Variants in NAALADL2 observed in about 807,000 individuals in gnomAD.
NAALADL2 encodes N-acetylated alpha-linked acidic dipeptidase like 2, also known as inactive N-acetylated-alpha-linked acidic dipeptidase-like protein 2.
Under a neutral mutation model 87.2 loss-of-function variants are expected in NAALADL2, and 76 were observed. That is an observed-to-expected ratio of 0.87 (90% CI 0.72 to 1.05). NAALADL2 has a LOEUF of 1.05. Among genes scored for constraint, NAALADL2 ranks in the 50% least tolerant of loss-of-function variants. The pLI is 0.00. For missense variants in NAALADL2, 1,089 were observed against 945.8 expected, an observed-to-expected ratio of 1.15 and a Z score of -1.99; for synonymous variants, 354 against 331.0, an observed-to-expected ratio of 1.07 and a Z score of -0.75.
chr3:174,944,817 C>T (rs538223572), intron 1 of NAALADL2, among the ~76,000 whole-genome samples: 271 of 152,232 alleles, frequency 1.8e-3, no homozygotes, highest in African/African-American at 6.1e-3. Context: ...TCCCAGGGGT[C>T]ACACATTCTG....
chr3:174,567,130 A>C (rs555773971), intron 2 of NAALADL2, among the ~76,000 whole-genome samples: 2 of 151,768 alleles, frequency 1.3e-5, no homozygotes, highest in South Asian at 4.1e-4. Flanking sequence ...GACACAATTC[A>C]ATATTTTAGC....
chr3:175,618,759 T>G lies in NAALADL2; in HGVS notation c.1801-8532T>G, dbSNP rs566928881. On this transcript the variant is annotated intron_variant, in intron 10 of 13. Transcript: ENST00000454872. ...CCCTTGCAAGTGCTGCCCAGGAATGTGAGTGCGAATTCCACCCATGAAGAG... is the reference window on the plus strand; with the variant it reads ...CCCTTGCAAGTGCTGCCCAGGAATGGGAGTGCGAATTCCACCCATGAAGAG... Among the ~76,000 whole-genome samples, 9 of 152,256 alleles carry G rather than the reference T, an allele frequency of 5.9e-5. No individual in the cohort carries two copies. In the East Asian group the frequency reaches 1.6e-3, roughly 26 times the overall value.
chr3:175,415,535 G>A (rs9862970), intron 5 of NAALADL2, among the ~76,000 whole-genome samples: 123,710 of 152,026 alleles, frequency 0.81, 50,496 homozygotes, highest in East Asian at 0.87. Context: ...AATAAATAAC[G>A]CAATGAGAAA....
At chr3:175,289,355 T>C (rs1477539981) in intron 4 of NAALADL2, among the ~76,000 whole-genome samples, 1 of 152,068 alleles carries the variant, frequency 6.6e-6, no homozygotes, top group African/African-American at 2.4e-5. Flanking sequence ...AGTACTAGTA[T>C]AAGTACAATA....
intron 1 of NAALADL2, among the ~76,000 whole-genome samples, chr3:174,953,314 C>A (rs1204942428): frequency 1.9e-5 from 1 of 51,328 alleles, no homozygotes; most frequent in Non-Finnish European, 3.3e-5. Context: ...CCCTCCCCTC[C>A]CCTCCCCTCC....
intron 1 of NAALADL2, among the ~76,000 whole-genome samples, chr3:174,491,133 T>C (rs1026680377): frequency 6.6e-6 from 1 of 152,082 alleles, no homozygotes; most frequent in African/African-American, 2.4e-5. Context: ...CAATTTGGGG[T>C]GAACACTATG....
chr3:175,710,290 C>A (rs541370484), intron 11 of NAALADL2, among the ~76,000 whole-genome samples: 6 of 151,998 alleles, frequency 3.9e-5, no homozygotes, highest in Non-Finnish European at 8.8e-5. Flanking sequence ...AGATGTCAGA[C>A]AGTTGAGACA....
chr3:175,135,382 C>T (rs1278172782), intron 2 of NAALADL2, among the ~76,000 whole-genome samples: 1 of 151,916 alleles, frequency 6.6e-6, no homozygotes, highest in East Asian at 1.9e-4. Context: ...CTTGTATTTC[C>T]TTTGTTAATA....
chr3:175,010,096 T>A (rs1418951406), intron 1 of NAALADL2, among the ~76,000 whole-genome samples: 2 of 152,020 alleles, frequency 1.3e-5, no homozygotes, highest in East Asian at 3.9e-4. Flanking sequence ...GTGGGGTGGA[T>A]CTTGATTAAC....
At chr3:175,648,394 A>C (rs987571053) in intron 11 of NAALADL2, among the ~76,000 whole-genome samples, 5 of 151,814 alleles carry the variant, frequency 3.3e-5, no homozygotes, top group Non-Finnish European at 5.9e-5. Flanking sequence ...ACTGGATATA[A>C]TTCATATTTA....
intron 2 of NAALADL2, among the ~76,000 whole-genome samples, chr3:175,166,144 TATC>T (rs1174868518): frequency 6.6e-6 from 1 of 152,118 alleles, no homozygotes. Flanking sequence ...TGATATGTTT[TATC>T]ATCATTACCT....
chr3:175,392,613 A>G (rs1424612558), intron 5 of NAALADL2, among the ~76,000 whole-genome samples: 1 of 152,160 alleles, frequency 6.6e-6, no homozygotes, highest in Non-Finnish European at 1.5e-5. Flanking sequence ...GACTTTTTCT[A>G]TTTGTAATGC....
chr3:175,044,935 T>C (rs1754495316), intron 1 of NAALADL2, among the ~76,000 whole-genome samples: 2 of 152,008 alleles, frequency 1.3e-5, no homozygotes, highest in African/African-American at 2.4e-5. Flanking sequence ...TTCTGATTTT[T>C]TTTTTTTCAT....
chr3:175,167,108 G>A (rs987144219), intron 2 of NAALADL2, among the ~76,000 whole-genome samples: 3 of 151,962 alleles, frequency 2.0e-5, no homozygotes, highest in African/African-American at 4.8e-5. Flanking sequence ...CCAGGGGTCT[G>A]CAGACTTTTT....
At chr3:175,483,403 T>C (rs919200014) in intron 9 of NAALADL2, among the ~76,000 whole-genome samples, 1 of 151,616 alleles carries the variant, frequency 6.6e-6, no homozygotes, top group South Asian at 2.1e-4. Context: ...TCTTTGCTAA[T>C]ATTTTTTTCT....
chr3:175,527,175 G>A (rs1308686449), intron 9 of NAALADL2, among the ~76,000 whole-genome samples: 1 of 152,098 alleles, frequency 6.6e-6, no homozygotes, highest in Non-Finnish European at 1.5e-5. Flanking sequence ...TTGGATTGGT[G>A]TTTGCCCTCA....
At chr3:174,955,982 T>C (rs1316367875) in intron 1 of NAALADL2, among the ~76,000 whole-genome samples, 3 of 152,030 alleles carry the variant, frequency 2.0e-5, no homozygotes, top group African/African-American at 7.3e-5. Context: ...TTAAATACTC[T>C]CTTTTGTAAT....
At chr3:175,142,788 A>G (rs1730192465) in intron 2 of NAALADL2, among the ~76,000 whole-genome samples, 2 of 151,888 alleles carry the variant, frequency 1.3e-5, no homozygotes, top group South Asian at 4.1e-4. Flanking sequence ...TGATTCTTAC[A>G]TGATTTTGGC....
At chr3:174,772,488 T>TG (rs1052733610) in intron 3 of NAALADL2, among the ~76,000 whole-genome samples, 1 of 152,174 alleles carries the variant, frequency 6.6e-6, no homozygotes, top group African/African-American at 2.4e-5. Flanking sequence ...AAAAGTGTAG[T>TG]GCTCTTAATC....
Sources: allele counts gnomAD v4.1 joint callset (sites outside exome capture counted in the v4.1 genomes callset), GRCh38; gene constraint gnomAD v4.1.1; transcripts MANE v1.5; gene names NCBI Gene and HGNC (gene_info 2026-07-23, HGNC 2026-07-21).